EFHD1: variants seen among roughly 807,000 people sequenced by gnomAD.
EFHD1 encodes EF-hand domain-containing protein D1.
In EFHD1, 10 loss-of-function variants were observed where a neutral mutation model predicts 17.2. That is an observed-to-expected ratio of 0.58 (90% CI 0.36 to 0.99). The LOEUF is 0.99. Among genes scored for constraint, EFHD1 ranks in the 50% least tolerant of loss-of-function variants. The probability of loss-of-function intolerance (pLI) is 0.01; values close to 1 mark genes in which losing one functional copy is unlikely to be tolerated. For synonymous variants in EFHD1, 153 were observed against 142.0 expected (o/e 1.08, Z -0.55); for missense variants, 310 against 327.5 (o/e 0.95, Z 0.41).
At chr2:232,634,444 A>G (rs567387448) in intron 1 of EFHD1, among the ~76,000 whole-genome samples, 47 of 152,362 alleles carry the variant, frequency 3.1e-4, no homozygotes, top group African/African-American at 1.0e-3. Context: ...CAAAAGGGGA[A>G]AGTTAATCCT....
At chr2:232,648,374 C>T (rs1300505710) in intron 1 of EFHD1, among the ~76,000 whole-genome samples, 1 of 152,172 alleles carries the variant, frequency 6.6e-6, no homozygotes. Context: ...AGTCTGCATG[C>T]AGCTAGAGCA....
chr2:232,614,023 T>C (rs1029423167), intron 1 of EFHD1, among the ~76,000 whole-genome samples: 7 of 85,272 alleles, frequency 8.2e-5, no homozygotes, highest in South Asian at 6.2e-4. Context: ...TACACACAAA[T>C]ACACACACAA....
chr2:232,619,962 G>A (rs988925758), intron 1 of EFHD1, among the ~76,000 whole-genome samples: 6 of 152,096 alleles, frequency 3.9e-5, no homozygotes, highest in African/African-American at 9.7e-5. Flanking sequence ...CCAGGGGTAT[G>A]AGCCACTATC....
chr2:232,641,520 G>T (rs1223133957), intron 1 of EFHD1, among the ~76,000 whole-genome samples: 1 of 152,226 alleles, frequency 6.6e-6, no homozygotes, highest in African/African-American at 2.4e-5. Context: ...TAGGCCATGG[G>T]TGGGCAAAGT....
At chr2:232,661,518 C>T (rs1160408930) in intron 1 of EFHD1, among the ~76,000 whole-genome samples, 4 of 151,072 alleles carry the variant, frequency 2.6e-5, no homozygotes, top group Admixed American at 2.6e-4. Context: ...CTTGTATAAA[C>T]ATACTATATT....
chr2:232,663,860 A>G (rs1302298226), intron 2 of EFHD1, among the ~76,000 whole-genome samples: 1 of 152,142 alleles, frequency 6.6e-6, no homozygotes, highest in African/African-American at 2.4e-5. Context: ...ATCCTCAATC[A>G]TGGCTCACTG....
chr2:232,636,991 C>T lies in EFHD1; in HGVS notation c.302+2985C>T, dbSNP rs917456570. Among the ~76,000 whole-genome samples the T allele has an allele frequency of 7.2e-5, 11 of 152,212 alleles. No homozygotes were observed. The South Asian group carries it at 2.1e-3, about 29-fold the overall frequency. On this transcript the variant is annotated intron_variant, in intron 1 of 3. Transcript: ENST00000264059. The stretch of plus-strand genomic sequence containing the variant: ...TCCCCGTGGGACTGTGTGCTTTGCC[C>T]TTCCGGGTTCTGCGGAAGGAACTCG...
chr2:232,680,962 T>C lies in EFHD1; in HGVS notation c.586-623T>C, dbSNP rs1695269103. ...CTGGTGGATCACCTGAAGTCAGGAG[T>C]TCGAGACCAGCCTCCAGCCTGTAAA... On this transcript the variant is annotated intron_variant, in intron 3 of 3. Transcript: ENST00000264059. Among the ~76,000 whole-genome samples, 3 of 151,656 alleles carry C rather than the reference T, an allele frequency of 2.0e-5. No individual in the cohort carries two copies. The South Asian group carries it at 6.3e-4, about 32-fold the overall frequency.
chr2:232,671,257 G>C (rs1053094219), intron 2 of EFHD1, among the ~76,000 whole-genome samples: 16 of 150,478 alleles, frequency 1.1e-4, no homozygotes, highest in African/African-American at 3.9e-4. Context: ...CAACGTAGAA[G>C]ACCCTGTCTC....
At chr2:232,633,308 C>A, upstream of EFHD1, 1 of 282,126 alleles carries the variant, frequency 3.5e-6, no homozygotes, top group Non-Finnish European at 5.6e-6. Flanking sequence ...ACGGTCGAGA[C>A]GCTTTTTCCC....
chr2:232,661,348 A>T (rs1694864506), intron 1 of EFHD1, among the ~76,000 whole-genome samples: 1 of 151,754 alleles, frequency 6.6e-6, no homozygotes, highest in South Asian at 2.1e-4. Flanking sequence ...CCAATCATCC[A>T]CTTTCTGTCT....
At chr2:232,668,758 C>T (rs1163025294) in intron 2 of EFHD1, among the ~76,000 whole-genome samples, 2 of 152,070 alleles carry the variant, frequency 1.3e-5, no homozygotes, top group Non-Finnish European at 2.9e-5. Context: ...CTCAGCCTCC[C>T]GAGTAGCTGG....
At chr2:232,668,322 G>A (rs768273776) in intron 2 of EFHD1, among the ~76,000 whole-genome samples, 2 of 152,246 alleles carry the variant, frequency 1.3e-5, no homozygotes, top group Non-Finnish European at 2.9e-5. Context: ...TAACTGGCTG[G>A]GGTAGGGGGT....
At chr2:232,606,306 C>T (rs1401550381) in intron 1 of EFHD1, 2 of 1,073,634 alleles carry the variant, frequency 1.9e-6, no homozygotes, top group Non-Finnish European at 2.8e-6. Flanking sequence ...ACTCCCGGCC[C>T]TCGCTTCCCT....
chr2:232,645,269 G>A (rs571539745), intron 1 of EFHD1, among the ~76,000 whole-genome samples: 3 of 152,176 alleles, frequency 2.0e-5, no homozygotes, highest in South Asian at 2.1e-4. Flanking sequence ...CCCCTGCCAC[G>A]GGTCAGGTTT....
intron 1 of EFHD1, among the ~76,000 whole-genome samples, chr2:232,615,684 C>CTTTT (rs34266488): frequency 1.8e-5 from 2 of 109,014 alleles, no homozygotes; most frequent in Non-Finnish European, 1.8e-5. Context: ...TTTTCTTTTC[C>CTTTT]TTTTTTTTTT....
At chr2:232,634,391 C>T (rs530573551) in intron 1 of EFHD1, among the ~76,000 whole-genome samples, 1 of 152,244 alleles carries the variant, frequency 6.6e-6, no homozygotes, top group South Asian at 2.1e-4. Flanking sequence ...CTGTATCCCC[C>T]CAAGGGAAAA....
At chr2:232,680,233 C>T (rs1695251184) in intron 3 of EFHD1, among the ~76,000 whole-genome samples, 1 of 151,650 alleles carries the variant, frequency 6.6e-6, no homozygotes, top group Admixed American at 6.6e-5. Flanking sequence ...TGAGATTGCG[C>T]CATTGTACTC....
At chr2:232,646,159 A>G (rs1694522780) in intron 1 of EFHD1, among the ~76,000 whole-genome samples, 2 of 152,012 alleles carry the variant, frequency 1.3e-5, no homozygotes, top group Admixed American at 1.3e-4. Context: ...CCTCTTCACA[A>G]GTTATTTTGG....
Sources: gnomAD v4.1 joint callset for allele counts (sites outside exome capture counted in the v4.1 genomes callset) on GRCh38, gnomAD v4.1.1 for gene constraint, MANE v1.5 for transcripts, NCBI Gene and HGNC (gene_info 2026-07-23, HGNC 2026-07-21) for gene names.